Variants in MALRD1 observed in about 807,000 individuals in gnomAD.
MALRD1 encodes the protein MAM and LDL-receptor class A domain-containing protein 1.
In MALRD1, 247 loss-of-function variants were observed where a neutral mutation model predicts 242.1. The observed-to-expected ratio is 1.02, with a 90% CI of 0.92 to 1.13. The LOEUF (loss-of-function observed/expected upper bound fraction) is 1.13, where lower values mean the gene tolerates loss of function less well. Ranked by LOEUF, MALRD1 falls within the 50% of genes most tolerant of loss-of-function variation. MALRD1 has a pLI of 0.00. For missense variants in MALRD1, 2,989 were observed against 2,533.1 expected, an observed-to-expected ratio of 1.18 and a Z score of -3.86; for synonymous variants, 995 against 866.6, an observed-to-expected ratio of 1.15 and a Z score of -2.60.
At chr10:19,299,190 G>A (rs2131949990) in intron 21 of MALRD1, among the ~76,000 whole-genome samples, 1 of 152,054 alleles carries the variant, frequency 6.6e-6, no homozygotes, top group South Asian at 2.1e-4. Flanking sequence ...CTTATAATAT[G>A]TAAATCATAT....
chr10:19,171,818 T>TTA (rs997167625), intron 13 of MALRD1, among the ~76,000 whole-genome samples: 10 of 144,528 alleles, frequency 6.9e-5, no homozygotes, highest in African/African-American at 2.5e-4. Flanking sequence ...ATCAGTTTGG[T>TTA]TATATATATA....
intron 31 of MALRD1, among the ~76,000 whole-genome samples, chr10:19,507,323 A>G (rs1342110832): frequency 1.3e-5 from 2 of 152,094 alleles, no homozygotes; most frequent in Non-Finnish European, 2.9e-5. Flanking sequence ...TCATTAGTCT[A>G]TTATTTCCGC....
intron 35 of MALRD1, among the ~76,000 whole-genome samples, chr10:19,613,537 CA>C (rs1838996814): frequency 6.6e-6 from 1 of 151,998 alleles, no homozygotes. Flanking sequence ...TTTCTACCCC[CA>C]ACCCCACCCT....
At chr10:19,119,624 G>A (rs892639258) in intron 5 of MALRD1, among the ~76,000 whole-genome samples, 1 of 152,200 alleles carries the variant, frequency 6.6e-6, no homozygotes, top group African/African-American at 2.4e-5. Context: ...TCAAGTGCCG[G>A]TTCTGTGAAA....
intron 18 of MALRD1, among the ~76,000 whole-genome samples, chr10:19,219,347 G>A (rs892838631): frequency 1.2e-4 from 19 of 152,246 alleles, no homozygotes; most frequent in African/African-American, 4.6e-4. Flanking sequence ...TGGTAAATTT[G>A]TCTTAAATCC....
At chr10:19,510,137 G>C (rs1833330872) in intron 31 of MALRD1, among the ~76,000 whole-genome samples, 1 of 152,140 alleles carries the variant, frequency 6.6e-6, no homozygotes, top group South Asian at 2.1e-4. Flanking sequence ...GTGCACGTAC[G>C]TAAACATCTC....
At chr10:19,237,668 TATAATTATATATAATTTATATATAAATAC>T (rs1838411590) in intron 18 of MALRD1, among the ~76,000 whole-genome samples, 1 of 107,956 alleles carries the variant, frequency 9.3e-6, no homozygotes, top group Non-Finnish European at 1.8e-5. Flanking sequence ...ATATAAATTA[TATAATTATATATAATTTATATATAAATAC>T]ATAATTATAT....
intron 18 of MALRD1, among the ~76,000 whole-genome samples, chr10:19,240,787 T>C (rs1838730361): frequency 6.6e-6 from 1 of 152,164 alleles, no homozygotes; most frequent in African/African-American, 2.4e-5. Context: ...TGTTGACTTT[T>C]GTCAAGTGTT....
At chr10:19,565,443 A>C (rs1836209740) in intron 32 of MALRD1, among the ~76,000 whole-genome samples, 1 of 152,222 alleles carries the variant, frequency 6.6e-6, no homozygotes, top group South Asian at 2.1e-4. Flanking sequence ...TGCCAGGAAG[A>C]AATTACAAAA....
rs974518420 is a variant in MALRD1, at chr10:19,087,923, C to T, written c.424C>T (p.His142Tyr). 6.5e-6 allele frequency: 8 copies of T among 1,231,802 alleles called. No homozygotes were observed. The highest frequency in any genetic ancestry group is 8.1e-6 in the Non-Finnish European group (8 of 987,076). The allele number at this position is 1,231,802 out of a possible 1,614,324, so 76.3% of individuals were successfully genotyped here. The change falls in exon 3 of 40, where the codon CAT becomes TAT. Residue 142 changes from histidine (H) to tyrosine (Y), a missense_variant. Transcript: ENST00000454679. ...AGTTTTCCTTCCAACAAATGATCAACATGACTGCCAGGTATTTGAAAGCAC... is the reference window on the plus strand; with the variant it reads ...AGTTTTCCTTCCAACAAATGATCAATATGACTGCCAGGTATTTGAAAGCAC... The part of the protein sequence containing the change: ...SRVFLPTNDQ[H>Y]DCQITFYYFS...
At chr10:19,469,324 G>A (rs1202260337) in intron 29 of MALRD1, among the ~76,000 whole-genome samples, 1 of 152,074 alleles carries the variant, frequency 6.6e-6, no homozygotes, top group African/African-American at 2.4e-5. Flanking sequence ...GCTAGAGGAA[G>A]TCACTACCAT....
At chr10:19,284,249 C>CT (rs35891152) in intron 21 of MALRD1, among the ~76,000 whole-genome samples, 74 of 147,830 alleles carry the variant, frequency 5.0e-4, no homozygotes, top group African/African-American at 7.2e-4. Flanking sequence ...TACATACCAA[C>CT]TTTTTTTTTT....
rs190896617 is a variant in MALRD1 at position 19,445,291 on chromosome 10, G to A, written c.4846-5016G>A. 8.6e-4 allele frequency among the ~76,000 whole-genome samples: 131 copies of A among 152,188 alleles called. 1 individual carries two copies. The highest frequency in any genetic ancestry group is 3.7e-3 in the Admixed American group (56 of 15,276). On this transcript the variant is annotated intron_variant, in intron 28 of 39. Transcript: ENST00000454679. Reference sequence around the variant, plus strand: ...CCGGAGAAGTTTGTTGTTACCAATCGTCTGAAGCTTACTTCTGTCAATTTG... The same window carrying A: ...CCGGAGAAGTTTGTTGTTACCAATCATCTGAAGCTTACTTCTGTCAATTTG...
At chr10:19,305,939 CTATACTATATATTATA>C (rs1336063115) in intron 21 of MALRD1, among the ~76,000 whole-genome samples, 1 of 124,742 alleles carries the variant, frequency 8.0e-6, no homozygotes, top group Non-Finnish European at 1.6e-5. Flanking sequence ...ACTATGTAAA[CTATACTATATATTATA>C]TATACTATAT....
At chr10:19,556,817 T>C (rs150129027) in intron 32 of MALRD1, among the ~76,000 whole-genome samples, 165 of 152,190 alleles carry the variant, frequency 1.1e-3, no homozygotes, top group African/African-American at 3.1e-3. Context: ...GTATGTTCAG[T>C]TTTGTAAGAA....
At chr10:19,644,745 T>C (rs1840571145) in intron 36 of MALRD1, among the ~76,000 whole-genome samples, 1 of 152,196 alleles carries the variant, frequency 6.6e-6, no homozygotes. Flanking sequence ...ATGAGGGTGT[T>C]ACTTTCAGAT....
intron 38 of MALRD1, among the ~76,000 whole-genome samples, chr10:19,722,765 G>A (rs1459953976): frequency 2.6e-5 from 4 of 151,996 alleles, no homozygotes; most frequent in Admixed American, 1.3e-4. Flanking sequence ...GACAAAAGGA[G>A]GAAAGCATAA....
rs902761993 is a variant in MALRD1 at position 19,101,565 on chromosome 10, T to C, written c.598-2414T>C. ...TAACATATAAAATATATAATATGTA[T>C]ATTGTATTATATATAATCTGTATAT... On this transcript the variant is annotated intron_variant, in intron 4 of 39. Transcript: ENST00000454679. Among the ~76,000 whole-genome samples, 7 of 136,328 alleles carry C rather than the reference T, an allele frequency of 5.1e-5. No homozygotes were observed. In the South Asian group the frequency reaches 1.6e-3, roughly 31 times the overall value. The allele number at this position is 136,328 out of a possible 152,430, so 89.4% of individuals were successfully genotyped here.
intron 38 of MALRD1, among the ~76,000 whole-genome samples, chr10:19,717,918 G>A (rs1834463704): frequency 6.6e-6 from 1 of 151,984 alleles, no homozygotes; most frequent in Non-Finnish European, 1.5e-5. Context: ...TTGGGAGGCT[G>A]AGACATGAGA....
Sources: gnomAD v4.1 joint callset for allele counts (sites outside exome capture counted in the v4.1 genomes callset) on GRCh38, gnomAD v4.1.1 for gene constraint, MANE v1.5 for transcripts, NCBI Gene and HGNC (gene_info 2026-07-23, HGNC 2026-07-21) for gene names.